Variants in PIP5K1B observed in about 807,000 individuals in gnomAD.
PIP5K1B encodes the protein phosphatidylinositol-4-phosphate 5-kinase type 1 beta, also known as phosphatidylinositol 4-phosphate 5-kinase type-1 beta.
A neutral mutation model predicts 67.0 loss-of-function variants in PIP5K1B; 42 were observed. The ratio of observed to expected loss-of-function variants is 0.63; its 90% confidence interval spans 0.49 to 0.81. The LOEUF is 0.81. Ranked by LOEUF, PIP5K1B falls within the 30% of genes least tolerant of loss-of-function variation. The probability of loss-of-function intolerance (pLI) is 0.00; values close to 1 mark genes in which losing one functional copy is unlikely to be tolerated. For missense variants in PIP5K1B, 459 were observed against 646.3 expected (o/e 0.71, Z 3.14); for synonymous variants, 214 against 231.4 (o/e 0.92, Z 0.68).
chr9:68,934,922 A>G lies in PIP5K1B; in HGVS notation c.1234A>G (p.Asn412Asp). 6.2e-7 allele frequency: 1 copy of G among 1,612,756 alleles called. No homozygotes were observed. The highest frequency in any genetic ancestry group is 8.5e-7 in the Non-Finnish European group (1 of 1,179,188). Residue 412 changes from asparagine to aspartate, a missense_variant, in exon 13 of 16, where the codon AAT (asparagine) becomes GAT (aspartate). Transcript: ENST00000265382. ...LKASPSKKRC[N>D]SIAALKATSQ... is the part of the protein sequence containing the mutation. ...GGCTTCACCGTCTAAGAAACGGTGC[A>G]ATTCAATCGCCGCCCTAAAGGCCAC...
At chr9:68,902,892 TGG>T (rs1825433165) in intron 8 of PIP5K1B, among the ~76,000 whole-genome samples, 1 of 152,188 alleles carries the variant, frequency 6.6e-6, no homozygotes, top group Non-Finnish European at 1.5e-5. Context: ...TAAAGCAGTT[TGG>T]GGATATAGAA....
chr9:68,900,560 A>C (rs1171586029), intron 8 of PIP5K1B, among the ~76,000 whole-genome samples: 1 of 152,196 alleles, frequency 6.6e-6, no homozygotes, highest in Non-Finnish European at 1.5e-5. Context: ...ATATTTATTA[A>C]TAACTCTGGG....
At chr9:69,007,896 G>A (rs768225724) in intron 15 of PIP5K1B, among the ~76,000 whole-genome samples, 1 of 151,812 alleles carries the variant, frequency 6.6e-6, no homozygotes, top group Non-Finnish European at 1.5e-5. Flanking sequence ...TTGACCCAAT[G>A]TGTCTGTCTC....
At chr9:68,751,864 T>C (rs901587669) in intron 2 of PIP5K1B, among the ~76,000 whole-genome samples, 1 of 152,202 alleles carries the variant, frequency 6.6e-6, no homozygotes, top group Non-Finnish European at 1.5e-5. Context: ...CTTTAAAGTG[T>C]TTAGTTTTAT....
At chr9:68,942,007 C>G (rs1827584015) in intron 14 of PIP5K1B, among the ~76,000 whole-genome samples, 1 of 152,168 alleles carries the variant, frequency 6.6e-6, no homozygotes, top group South Asian at 2.1e-4. Flanking sequence ...TTGCACTGTT[C>G]TGCTCTAAGG....
chr9:68,889,973 G>A (rs1341903750), intron 7 of PIP5K1B, among the ~76,000 whole-genome samples: 1 of 152,072 alleles, frequency 6.6e-6, no homozygotes, highest in East Asian at 1.9e-4. Flanking sequence ...AGCAACCTTG[G>A]ATACTACAAT....
At chr9:68,719,004 C>A (rs548868235) in intron 1 of PIP5K1B, among the ~76,000 whole-genome samples, 1 of 152,236 alleles carries the variant, frequency 6.6e-6, no homozygotes, top group South Asian at 2.1e-4. Flanking sequence ...AAAAAAGGAT[C>A]AAAAGTAGTA....
intron 5 of PIP5K1B, among the ~76,000 whole-genome samples, chr9:68,870,348 T>C (rs1823570111): frequency 6.6e-6 from 1 of 152,210 alleles, no homozygotes; most frequent in African/African-American, 2.4e-5. Context: ...AGCCTCGTCT[T>C]ATACAATGCA....
At chr9:68,790,591 AGC>A (rs1019639516) in intron 2 of PIP5K1B, among the ~76,000 whole-genome samples, 1 of 138,738 alleles carries the variant, frequency 7.2e-6, no homozygotes, top group African/African-American at 2.5e-5. Context: ...AACGCACATG[AGC>A]GCGCACACAC....
intron 9 of PIP5K1B, among the ~76,000 whole-genome samples, chr9:68,918,462 G>A (rs1245088304): frequency 2.0e-5 from 3 of 152,122 alleles, no homozygotes. Context: ...TCTGCCTAAG[G>A]GGATTCTGTT....
chr9:68,925,795 ATTTTTT>A (rs71353094), intron 12 of PIP5K1B, among the ~76,000 whole-genome samples: 1 of 73,278 alleles, frequency 1.4e-5, no homozygotes, highest in South Asian at 6.5e-4. Flanking sequence ...TGTGGTTCCA[ATTTTTT>A]TTTTTTTTTT....
chr9:68,839,009 A>G (rs1435585844), intron 4 of PIP5K1B, among the ~76,000 whole-genome samples: 1 of 150,436 alleles, frequency 6.6e-6, no homozygotes. Flanking sequence ...CTATGGGTCT[A>G]CTGATCACTT....
chr9:68,752,354 C>G (rs950786), intron 2 of PIP5K1B, among the ~76,000 whole-genome samples: 1 of 151,994 alleles, frequency 6.6e-6, no homozygotes, highest in Non-Finnish European at 1.5e-5. Context: ...GCAACAAGGC[C>G]GAGAAGTTAG....
At chr9:68,727,806 T>A (rs1172118891) in intron 1 of PIP5K1B, 1 of 152,216 alleles carries the variant, frequency 6.6e-6, no homozygotes, top group Non-Finnish European at 1.5e-5. Context: ...GTGTGTCTCA[T>A]GGAAGGAAGG....
At chr9:68,859,382 T>C (rs753932183) in intron 4 of PIP5K1B, among the ~76,000 whole-genome samples, 4 of 152,218 alleles carry the variant, frequency 2.6e-5, no homozygotes, top group African/African-American at 4.8e-5. Flanking sequence ...TTTCTCCAAG[T>C]ATCAAATGCT....
chr9:68,799,059 G>C (rs971880943), intron 2 of PIP5K1B, among the ~76,000 whole-genome samples: 2 of 152,218 alleles, frequency 1.3e-5, no homozygotes. Context: ...GAAATAAAGA[G>C]GTGTTTGAGT....
chr9:68,848,399 A>G (rs1328255039), intron 4 of PIP5K1B, among the ~76,000 whole-genome samples: 6 of 152,176 alleles, frequency 3.9e-5, no homozygotes, highest in South Asian at 4.1e-4. Flanking sequence ...CAGTTTCTCC[A>G]TATCTTTCTG....
chr9:68,723,389 A>ATT (rs34743138), intron 1 of PIP5K1B, among the ~76,000 whole-genome samples: 27 of 149,932 alleles, frequency 1.8e-4, no homozygotes, highest in East Asian at 2.0e-4. Context: ...TGGTAGTCCT[A>ATT]TTTTTTTTTT....
At chr9:68,805,675 C>T (rs553928833) in intron 2 of PIP5K1B, among the ~76,000 whole-genome samples, 1 of 152,132 alleles carries the variant, frequency 6.6e-6, no homozygotes, top group Non-Finnish European at 1.5e-5. Context: ...GCTGTCATCA[C>T]CTGTCACATT....
Sources: gnomAD v4.1 joint callset for allele counts (sites outside exome capture counted in the v4.1 genomes callset) on GRCh38, gnomAD v4.1.1 for gene constraint, MANE v1.5 for transcripts, NCBI Gene and HGNC (gene_info 2026-07-23, HGNC 2026-07-21) for gene names.